Variants in EFCAB11 observed in about 807,000 individuals in gnomAD.
EFCAB11 encodes the protein EF-hand calcium binding domain 11.
In EFCAB11, 14 loss-of-function variants were observed where a neutral mutation model predicts 23.0. That is an observed-to-expected ratio of 0.61 (90% CI 0.40 to 0.95). The LOEUF (loss-of-function observed/expected upper bound fraction) is 0.95, where lower values mean the gene tolerates loss of function less well. Ranked by LOEUF, EFCAB11 falls within the 40% of genes least tolerant of loss-of-function variation. The pLI, the probability that EFCAB11 is intolerant of heterozygous loss-of-function variation, is 0.00. For missense variants in EFCAB11, 198 were observed against 195.8 expected, an observed-to-expected ratio of 1.01 and a Z score of -0.07; for synonymous variants, 65 against 66.6, an observed-to-expected ratio of 0.98 and a Z score of 0.11.
intron 5 of EFCAB11, among the ~76,000 whole-genome samples, chr14:89,806,714 A>C (rs1268240675): frequency 2.6e-5 from 4 of 152,198 alleles, no homozygotes; most frequent in Non-Finnish European, 5.9e-5. Flanking sequence ...GGCTGCTGCC[A>C]AGCCCTGGGC....
At chr14:89,798,085 G>T (rs1458871041) in intron 5 of EFCAB11, among the ~76,000 whole-genome samples, 1 of 152,190 alleles carries the variant, frequency 6.6e-6, no homozygotes, top group East Asian at 1.9e-4. Flanking sequence ...TATCAACCAT[G>T]ACATAGGACT....
intron 5 of EFCAB11, among the ~76,000 whole-genome samples, chr14:89,847,446 A>G (rs1199320368): frequency 6.6e-6 from 1 of 152,202 alleles, no homozygotes; most frequent in Non-Finnish European, 1.5e-5. Flanking sequence ...CTGATTAAGA[A>G]TGCAGACTCT....
At chr14:89,815,671 G>A (rs535995770) in intron 5 of EFCAB11, among the ~76,000 whole-genome samples, 1 of 152,118 alleles carries the variant, frequency 6.6e-6, no homozygotes, top group South Asian at 2.1e-4. Flanking sequence ...TAATCCACCC[G>A]CCTCGGCCTC....
chr14:89,874,570 T>G (rs192381043), intron 5 of EFCAB11, among the ~76,000 whole-genome samples: 1 of 152,146 alleles, frequency 6.6e-6, no homozygotes, highest in Admixed American at 6.5e-5. Context: ...CCAAACCACA[T>G]CTTTGTGAAT....
chr14:89,924,933 T>C (rs1890142270), intron 5 of EFCAB11, among the ~76,000 whole-genome samples: 1 of 152,246 alleles, frequency 6.6e-6, no homozygotes. Context: ...CCAAGGACAG[T>C]GGCGATTACA....
At chr14:89,847,365 C>G (rs1174972808) in intron 5 of EFCAB11, among the ~76,000 whole-genome samples, 1 of 152,142 alleles carries the variant, frequency 6.6e-6, no homozygotes, top group Admixed American at 6.6e-5. Flanking sequence ...AAGACTTGAA[C>G]CACTGAGAAC....
intron 5 of EFCAB11, among the ~76,000 whole-genome samples, chr14:89,921,288 GCA>G (rs1732485294): frequency 6.6e-6 from 1 of 152,102 alleles, no homozygotes; most frequent in South Asian, 2.1e-4. Flanking sequence ...TGCAAAAAAG[GCA>G]CAGCCATTTC....
At chr14:89,935,317 T>A (rs567954551) in intron 3 of EFCAB11, among the ~76,000 whole-genome samples, 1 of 152,072 alleles carries the variant, frequency 6.6e-6, no homozygotes, top group African/African-American at 2.4e-5. Flanking sequence ...ACATGTTTGC[T>A]GAGTAAGTAA....
intron 5 of EFCAB11, among the ~76,000 whole-genome samples, chr14:89,891,301 A>G (rs760842217): frequency 2.0e-5 from 3 of 152,242 alleles, no homozygotes; most frequent in Non-Finnish European, 4.4e-5. Context: ...TAGAGGTTCT[A>G]TGTTTAAAAA....
intron 5 of EFCAB11, among the ~76,000 whole-genome samples, chr14:89,813,517 TTTG>T (rs1230276493): frequency 6.6e-6 from 1 of 152,140 alleles, no homozygotes; most frequent in Admixed American, 6.5e-5. Context: ...GGTTGTTTGG[TTTG>T]TTTTTTTGTT....
At chr14:89,815,576 G>GCCA (rs1566769034) in intron 5 of EFCAB11, among the ~76,000 whole-genome samples, 2 of 151,962 alleles carry the variant, frequency 1.3e-5, no homozygotes, top group African/African-American at 2.4e-5. Context: ...ACAGGCGCGC[G>GCCA]CCACCACGCT....
intron 5 of EFCAB11, among the ~76,000 whole-genome samples, chr14:89,827,178 C>T (rs1886719455): frequency 6.6e-6 from 1 of 152,198 alleles, no homozygotes; most frequent in South Asian, 2.1e-4. Context: ...CTACCATCCT[C>T]AGGGCTGAAG....
intron 5 of EFCAB11, among the ~76,000 whole-genome samples, chr14:89,872,119 C>T (rs985944781): frequency 6.6e-6 from 1 of 152,224 alleles, no homozygotes; most frequent in Admixed American, 6.5e-5. Context: ...AAGTCTGTAA[C>T]AGCCTAATTT....
chr14:89,932,832 C>T (rs530840009), intron 3 of EFCAB11, among the ~76,000 whole-genome samples: 17 of 152,270 alleles, frequency 1.1e-4, no homozygotes, highest in African/African-American at 3.4e-4. Flanking sequence ...AGATCCAACA[C>T]TAGAAATCAA....
intron 5 of EFCAB11, among the ~76,000 whole-genome samples, chr14:89,827,767 G>T (rs549255325): frequency 6.6e-6 from 1 of 151,414 alleles, no homozygotes; most frequent in African/African-American, 2.4e-5. Flanking sequence ...TGAAGTAGCT[G>T]GGATTACAGG....
chr14:89,818,802 A>G (rs1479152319), intron 5 of EFCAB11, among the ~76,000 whole-genome samples: 1 of 152,252 alleles, frequency 6.6e-6, no homozygotes, highest in Non-Finnish European at 1.5e-5. Context: ...CATTACAAAA[A>G]TACTGACTGA....
chr14:89,865,573 C>T (rs1183472828), intron 5 of EFCAB11, among the ~76,000 whole-genome samples: 1 of 152,050 alleles, frequency 6.6e-6, no homozygotes, highest in African/African-American at 2.4e-5. Context: ...ACAATCACGG[C>T]TCACTGCAGC....
chr14:89,832,887 A>T (rs1001471776), intron 5 of EFCAB11, among the ~76,000 whole-genome samples: 2 of 152,136 alleles, frequency 1.3e-5, no homozygotes, highest in African/African-American at 4.8e-5. Flanking sequence ...AAAGTCACGG[A>T]CCATTTGTAT....
intron 5 of EFCAB11, among the ~76,000 whole-genome samples, chr14:89,826,160 AC>A (rs1315490987): frequency 6.6e-6 from 1 of 152,092 alleles, no homozygotes; most frequent in Non-Finnish European, 1.5e-5. Flanking sequence ...TGATTAATTG[AC>A]CCTGTTATAA....
Sources: gnomAD v4.1 joint callset for allele counts (sites outside exome capture counted in the v4.1 genomes callset) on GRCh38, gnomAD v4.1.1 for gene constraint, MANE v1.5 for transcripts, NCBI Gene and HGNC (gene_info 2026-07-23, HGNC 2026-07-21) for gene names.